TMEM45B: variants seen among roughly 807,000 people sequenced by gnomAD.
TMEM45B encodes transmembrane protein 45B.
In TMEM45B, 29 loss-of-function variants were observed where a neutral mutation model predicts 27.3. The observed-to-expected ratio is 1.06, with a 90% CI of 0.79 to 1.45. The LOEUF (loss-of-function observed/expected upper bound fraction) is 1.45, where lower values mean the gene tolerates loss of function less well. TMEM45B is among the 40% of genes most tolerant of loss of function. TMEM45B has a pLI of 0.00. For missense variants in TMEM45B, 348 were observed against 343.9 expected (o/e 1.01, Z -0.09); for synonymous variants, 143 against 134.7 (o/e 1.06, Z -0.43).
chr11:129,843,329 G>A (rs140075451), intron 1 of TMEM45B, among the ~76,000 whole-genome samples: 33 of 152,292 alleles, frequency 2.2e-4, no homozygotes, highest in Admixed American at 4.6e-4. Context: ...ATCTGCTATC[G>A]TTGCTGTTAG....
intron 1 of TMEM45B, among the ~76,000 whole-genome samples, chr11:129,848,221 C>A (rs566380957): frequency 2.0e-5 from 3 of 151,840 alleles, no homozygotes; most frequent in South Asian, 2.1e-4. Context: ...GGCCTGGGCA[C>A]CATTGAGCAC....
chr11:129,829,765 C>T (rs904588897), intron 1 of TMEM45B, among the ~76,000 whole-genome samples: 16 of 152,144 alleles, frequency 1.1e-4, no homozygotes, highest in African/African-American at 3.6e-4. Flanking sequence ...TATTAGTGTT[C>T]TCTGTATACT....
At chr11:129,827,340 G>C in intron 1 of TMEM45B, among the ~76,000 whole-genome samples, 1 of 152,232 alleles carries the variant, frequency 6.6e-6, no homozygotes, top group East Asian at 1.9e-4. Context: ...TACTGTCAGT[G>C]CTGAGTATAC....
At chr11:129,855,674 G>C in intron 3 of TMEM45B, 34 bp from the exon 4 acceptor site, 2 of 1,612,434 alleles carry the variant, frequency 1.2e-6, no homozygotes, top group Non-Finnish European at 1.7e-6. Flanking sequence ...AAAGCCAAGC[G>C]TAGCCCTGAC....
chr11:129,855,715 C>A lies in TMEM45B; in HGVS notation c.393C>A (p.Leu131=). 6.2e-7 allele frequency: 1 copy of A among 1,614,068 alleles called. No homozygotes were observed. The highest frequency in any genetic ancestry group is 8.5e-7 in the Non-Finnish European group (1 of 1,179,960). ...MAVAVFMEGF[L]FYYHVHNRPP... ...CCATCTGGTTTGTGGCAGGTTTCCT[C>A]TTCTACTACCACGTCCACAACCGGC... Residue 131 remains leucine (L), a synonymous_variant, in exon 4 of 6, where the codon CTC becomes CTA. Coordinates refer to ENST00000281441, the MANE Select transcript of TMEM45B (RefSeq NM_138788.5).
intron 1 of TMEM45B, among the ~76,000 whole-genome samples, chr11:129,843,044 A>G (rs931705187): frequency 6.6e-6 from 1 of 152,234 alleles, no homozygotes; most frequent in Admixed American, 6.5e-5. Context: ...GGTTCAAGCG[A>G]TTCTTCTGCC....
At chr11:129,824,631 A>G (rs1947457676) in intron 1 of TMEM45B, among the ~76,000 whole-genome samples, 1 of 152,250 alleles carries the variant, frequency 6.6e-6, no homozygotes, top group Non-Finnish European at 1.5e-5. Flanking sequence ...GCATCAGTTC[A>G]GTTCAGTTTA....
chr11:129,840,946 T>TAAAAAAAAAAAAAA (rs55905045), intron 1 of TMEM45B, among the ~76,000 whole-genome samples: 47 of 29,250 alleles, frequency 1.6e-3, no homozygotes, highest in Non-Finnish European at 2.5e-3. Context: ...TTTCTTTCTG[T>TAAAAAAAAAAAAAA]AAAAAAAAAA....
intron 2 of TMEM45B, chr11:129,852,917 G>A (rs148076783): frequency 1.2e-4 from 42 of 344,208 alleles, no homozygotes; most frequent in East Asian, 1.2e-3. Flanking sequence ...AAAGTTGTAG[G>A]AGCAAAACAC....
intron 3 of TMEM45B, 31 bp from the exon 4 acceptor site, chr11:129,855,677 G>GC (rs1340900024): frequency 1.2e-6 from 2 of 1,612,962 alleles, no homozygotes; most frequent in South Asian, 2.2e-5. Context: ...GCCAAGCGTA[G>GC]CCCTGACAGC....
At chr11:129,838,439 C>CA (rs1337524008) in intron 1 of TMEM45B, among the ~76,000 whole-genome samples, 1 of 152,108 alleles carries the variant, frequency 6.6e-6, no homozygotes, top group Middle Eastern at 3.2e-3. Flanking sequence ...TTTAATGATA[C>CA]AAAGAATTTT....
intron 1 of TMEM45B, among the ~76,000 whole-genome samples, chr11:129,850,993 C>G (rs974271491): frequency 2.6e-5 from 4 of 152,204 alleles, no homozygotes; most frequent in African/African-American, 9.6e-5. Flanking sequence ...CAATTTCTGT[C>G]TTAGTCCCTG....
rs189614569 is a variant in TMEM45B, at chr11:129,858,534, A to G, written c.717-40A>G. On this transcript the variant is annotated intron_variant, in intron 5 of 5. Coordinates refer to ENST00000281441, the MANE Select transcript of TMEM45B (RefSeq NM_138788.5). ...CACATCCTTGGTAATGGATTAAGGG[A>G]ATCTCTGGCTAATTGGCTCTTACTC... 20 of 1,445,078 alleles carry G rather than the reference A, an allele frequency of 1.4e-5. No individual in the cohort carries two copies. In the African/African-American group the frequency reaches 2.4e-4, roughly 17 times the overall value. The allele number at this position is 1,445,078 out of a possible 1,614,324, so 89.5% of individuals were successfully genotyped here. A position where few individuals can be genotyped will look rare whatever the true frequency, so the allele number is the denominator to read the frequency against.
chr11:129,842,684 G>A lies in TMEM45B; in HGVS notation c.-8-9791G>A, dbSNP rs80132960. Among the ~76,000 whole-genome samples, 1,127 of 152,254 alleles carry A rather than the reference G, an allele frequency of 7.4e-3. 108 individuals are homozygous for A. In the East Asian group the frequency reaches 0.19, roughly 25 times the overall value. On this transcript the variant is annotated intron_variant, in intron 1 of 5. Transcript: ENST00000281441. ...AGATTTAAATGTAAGACCTAAAATG[G>A]TAAAACTCCTAGAAGAAAATATGCA... is the stretch of plus-strand genomic sequence containing the variant.
chr11:129,823,512 A>G (rs1297808384), intron 1 of TMEM45B, among the ~76,000 whole-genome samples: 2 of 152,232 alleles, frequency 1.3e-5, no homozygotes, highest in Admixed American at 1.3e-4. Flanking sequence ...ACAGTGCCTT[A>G]TGCATAACAG....
At chr11:129,819,205 G>A (rs1264289470) in intron 1 of TMEM45B, among the ~76,000 whole-genome samples, 2 of 152,216 alleles carry the variant, frequency 1.3e-5, no homozygotes, top group African/African-American at 4.8e-5. Context: ...CCCATAGCAG[G>A]CATACATAAA....
At chr11:129,827,472 G>A (rs1336295847) in intron 1 of TMEM45B, among the ~76,000 whole-genome samples, 1 of 152,228 alleles carries the variant, frequency 6.6e-6, no homozygotes, top group Non-Finnish European at 1.5e-5. Context: ...ACAGTGGTAA[G>A]TATGTGTGTA....
intron 1 of TMEM45B, among the ~76,000 whole-genome samples, chr11:129,847,786 T>A (rs1446832244): frequency 6.6e-6 from 1 of 152,136 alleles, no homozygotes; most frequent in Non-Finnish European, 1.5e-5. Flanking sequence ...GTCTACTTCT[T>A]TCTACACAGA....
intron 1 of TMEM45B, among the ~76,000 whole-genome samples, chr11:129,833,504 G>A (rs898882302): frequency 2.6e-5 from 4 of 152,022 alleles, no homozygotes; most frequent in African/African-American, 9.7e-5. Flanking sequence ...GCCAGGCGCA[G>A]TGACTCACAC....
Sources: gnomAD v4.1 joint callset for allele counts (sites outside exome capture counted in the v4.1 genomes callset) on GRCh38, gnomAD v4.1.1 for gene constraint, MANE v1.5 for transcripts, NCBI Gene and HGNC (gene_info 2026-07-23, HGNC 2026-07-21) for gene names.